DGKG: variants seen among roughly 807,000 people sequenced by gnomAD.
DGKG encodes the protein DAG kinase gamma.
In DGKG, 78 loss-of-function variants were observed where a neutral mutation model predicts 105.3. That is an observed-to-expected ratio of 0.74 (90% CI 0.62 to 0.89). DGKG has a LOEUF of 0.89. Ranked by LOEUF, DGKG falls within the 40% of genes least tolerant of loss-of-function variation. The probability of loss-of-function intolerance (pLI) is 0.00; values close to 1 mark genes in which losing one functional copy is unlikely to be tolerated. For synonymous variants in DGKG, 346 were observed against 367.1 expected, an observed-to-expected ratio of 0.94 and a Z score of 0.66; for missense variants, 958 against 1,020.1, an observed-to-expected ratio of 0.94 and a Z score of 0.83.
chr3:186,267,672 C>T lies in DGKG; in HGVS notation c.1209+13G>A. ...GGAGAAGCTACAGCCCTCGCCGGGG[C>T]AGGAGCACTTACCCGGGTGATGGGG... On this transcript the variant is annotated intron_variant, in intron 13 of 24. Coordinates refer to ENST00000265022, the MANE Select transcript of DGKG (RefSeq NM_001346.3). The T allele has an allele frequency of 6.2e-7, 1 of 1,610,786 alleles. No homozygotes were observed. Among genetic ancestry groups the T allele is most frequent in the Non-Finnish European group, 8.5e-7 (1 of 1,177,020 alleles).
At chr3:186,180,355 C>T (rs527404379) in intron 22 of DGKG, among the ~76,000 whole-genome samples, 7 of 152,168 alleles carry the variant, frequency 4.6e-5, no homozygotes, top group Non-Finnish European at 1.0e-4. Context: ...AGCAAAACAG[C>T]GTCTCCGTAG....
Position 186,261,693 on chromosome 3 carries a change from A to G in DGKG, c.1349+6T>C, listed in dbSNP as rs1026566434. ...TTGCTCCACTTTGAAACAGAAGAGA[A>G]CGTACCTTTCTCCTTGTCTCCCTCC... On this transcript the variant is annotated splice_donor_region_variant and intron_variant, in intron 15 of 24. Transcript: ENST00000265022. The G allele has an allele frequency of 3.8e-6, 6 of 1,586,090 alleles. No individual in the cohort carries two copies. Among genetic ancestry groups the G allele is most frequent in the Non-Finnish European group, 5.2e-6 (6 of 1,164,118 alleles).
At chr3:186,188,115 G>T in intron 22 of DGKG, 87 bp downstream of exon 22, 1 of 1,457,568 alleles carries the variant, frequency 6.9e-7, no homozygotes, top group Non-Finnish European at 9.5e-7. Context: ...GCTGGGCTGT[G>T]GGGCCTTACG....
intron 22 of DGKG, among the ~76,000 whole-genome samples, chr3:186,175,366 G>A (rs946881748): frequency 2.0e-5 from 3 of 152,182 alleles, no homozygotes; most frequent in Non-Finnish European, 4.4e-5. Flanking sequence ...AAACCTGCTC[G>A]TGTGGTGGGT....
intron 21 of DGKG, among the ~76,000 whole-genome samples, chr3:186,200,275 T>C (rs1718386342): frequency 6.6e-6 from 1 of 151,862 alleles, no homozygotes; most frequent in South Asian, 2.1e-4. Context: ...AGGGTGAAAA[T>C]GGGCCCAGTG....
At chr3:186,223,651 C>T (rs192901264) in intron 20 of DGKG, among the ~76,000 whole-genome samples, 18 of 152,290 alleles carry the variant, frequency 1.2e-4, no homozygotes, top group South Asian at 4.1e-4. Flanking sequence ...GCCAGAGCCT[C>T]GCTCTGCCTG....
intron 21 of DGKG, among the ~76,000 whole-genome samples, chr3:186,196,133 CTTTCT>C (rs1302070102): frequency 7.9e-6 from 1 of 126,058 alleles, no homozygotes; most frequent in Non-Finnish European, 1.6e-5. Context: ...CTCTCTTTTT[CTTTCT>C]TTTTTTTTTT....
intron 9 of DGKG, among the ~76,000 whole-genome samples, chr3:186,277,509 C>G (rs541041665): frequency 6.6e-6 from 1 of 152,198 alleles, no homozygotes; most frequent in East Asian, 1.9e-4. Context: ...CAGGGTTTTC[C>G]TGTATGGGTA....
At chr3:186,236,077 T>C (rs924564368) in intron 20 of DGKG, among the ~76,000 whole-genome samples, 4 of 152,224 alleles carry the variant, frequency 2.6e-5, no homozygotes, top group African/African-American at 9.6e-5. Flanking sequence ...CTCTGCCTCT[T>C]GGACTTCCAT....
rs1024880736 is a variant in DGKG, at chr3:186,226,885, T to C, written c.1827-15000A>G. On this transcript the variant is annotated intron_variant, in intron 20 of 24. Coordinates refer to ENST00000265022, the MANE Select transcript of DGKG (RefSeq NM_001346.3). The surrounding 1 kb of genome is among the most constrained non-coding windows in gnomAD (Gnocchi z 4.2). Reference sequence around the variant, plus strand: ...CTGCTGTGTTAGTAATTTGAGGGTATAAGTACATTCTTGAAGTGAGAAGAG... The same window carrying C: ...CTGCTGTGTTAGTAATTTGAGGGTACAAGTACATTCTTGAAGTGAGAAGAG... Among the ~76,000 whole-genome samples, 1 of 152,220 alleles carries C rather than the reference T, an allele frequency of 6.6e-6. No homozygotes were observed. The highest frequency in any genetic ancestry group is 1.5e-5 in the Non-Finnish European group (1 of 68,036).
intron 2 of DGKG, among the ~76,000 whole-genome samples, chr3:186,310,351 C>T (rs900563196): frequency 6.7e-6 from 1 of 148,978 alleles, no homozygotes; most frequent in Non-Finnish European, 1.5e-5. Flanking sequence ...GTGGATTACT[C>T]ATCACACATT....
chr3:186,164,256 AG>A (rs1373596293), intron 23 of DGKG, among the ~76,000 whole-genome samples: 2 of 152,252 alleles, frequency 1.3e-5, no homozygotes, highest in African/African-American at 4.8e-5. Context: ...TGAAATAATC[AG>A]GTGGGAGAAG....
At chr3:186,288,933 T>G in intron 5 of DGKG, 53 bp from the exon 6 acceptor site, 1 of 1,475,422 alleles carries the variant, frequency 6.8e-7, no homozygotes. Flanking sequence ...TAGTAAATAT[T>G]AACCCCTCTT....
At chr3:186,281,592 A>G (rs1265062174) in intron 7 of DGKG, among the ~76,000 whole-genome samples, 1 of 152,236 alleles carries the variant, frequency 6.6e-6, no homozygotes, top group East Asian at 1.9e-4. Flanking sequence ...CCAAATAGCA[A>G]GCTAAAACCC....
In DGKG at chr3:186,261,726, G is replaced by T; in HGVS notation, c.1322C>A (p.Pro441His). 1.2e-6 allele frequency: 2 copies of T among 1,609,026 alleles called. No homozygotes were observed. Among genetic ancestry groups the T allele is most frequent in the Non-Finnish European group, 1.7e-6 (2 of 1,178,294 alleles). The change falls in exon 15 of 25, where the codon CCC becomes CAC. Residue 441 changes from proline to histidine, a missense_variant. Pro to His is a moderately conservative substitution (Grantham distance 77). This residue lies in a region of DGKG where 643 missense variants were observed against 619.5 expected (regional missense o/e 1.04). Coordinates refer to ENST00000265022, the MANE Select transcript of DGKG (RefSeq NM_001346.3). ...TTCTCCTTGTCTCCCTCCACTCTTG[G>T]GGTTCACCAAGACCAGCAGGGGGTG... ...GTHPLLVLVN[P>H]KSGGRQGERI...
intron 20 of DGKG, among the ~76,000 whole-genome samples, chr3:186,228,893 C>T (rs541217304): frequency 1.3e-5 from 2 of 152,242 alleles, no homozygotes; most frequent in South Asian, 2.1e-4. Context: ...TGTGTCCCCC[C>T]CAAAAATGAT....
Position 186,242,686 on chromosome 3 carries a change from G to A in DGKG, c.1762-118C>T, listed in dbSNP as rs1037289046. On this transcript the variant is annotated intron_variant, in intron 19 of 24. Transcript: ENST00000265022. Reference sequence around the variant, plus strand: ...TGCCAACCCTGGGACTCTATCTATCGCATGGTGGGGCTCCAGGTCACATCC... The same window carrying A: ...TGCCAACCCTGGGACTCTATCTATCACATGGTGGGGCTCCAGGTCACATCC... The A allele has an allele frequency of 1.7e-5, 13 of 770,180 alleles. No individual in the cohort carries two copies. The Admixed American group carries it at 2.0e-4, about 12-fold the overall frequency. 47.7% of individuals were successfully genotyped at this position (770,180 alleles called of 1,614,324 possible).
chr3:186,357,049 C>T (rs556099618), intron 1 of DGKG, among the ~76,000 whole-genome samples: 56 of 152,192 alleles, frequency 3.7e-4, no homozygotes, highest in South Asian at 2.3e-3. Flanking sequence ...GAGGGATCCT[C>T]GCCATCTGTT....
chr3:186,263,183 A>C (rs1010966957), intron 14 of DGKG, among the ~76,000 whole-genome samples: 2 of 151,826 alleles, frequency 1.3e-5, no homozygotes, highest in African/African-American at 4.8e-5. Context: ...ACCACCACCA[A>C]CAAAAACCTG....
Sources: gnomAD v4.1 joint callset for allele counts (sites outside exome capture counted in the v4.1 genomes callset) on GRCh38, gnomAD v4.1.1 for gene constraint, gnomAD v4.1.1 regional missense constraint, Gnocchi (gnomAD v3.1) non-coding constraint, MANE v1.5 for transcripts, NCBI Gene and HGNC (gene_info 2026-07-23, HGNC 2026-07-21) for gene names.